Variants in NAA11 observed in about 807,000 individuals in gnomAD.
NAA11 encodes the protein N-alpha-acetyltransferase 11.
NAA11 carries 15 observed loss-of-function variants against 16.1 expected under a neutral mutation model. That is an observed-to-expected ratio of 0.93 (90% CI 0.62 to 1.44). The LOEUF (loss-of-function observed/expected upper bound fraction) is 1.44, where lower values mean the gene tolerates loss of function less well. Among genes scored for constraint, NAA11 ranks in the 40% most tolerant of loss-of-function variants. The pLI, the probability that NAA11 is intolerant of heterozygous loss-of-function variation, is 0.00. For missense variants in NAA11, 298 were observed against 291.3 expected (o/e 1.02, Z -0.17); for synonymous variants, 122 against 112.4 (o/e 1.09, Z -0.54).
intron 2 of NAA11, among the ~76,000 whole-genome samples, chr4:79,238,657 A>G (rs969275509): frequency 2.0e-5 from 3 of 152,180 alleles, no homozygotes; most frequent in African/African-American, 7.2e-5. Flanking sequence ...GGGAAGTGAG[A>G]TAGGGAAAAA....
the NAA11 span, among the ~76,000 whole-genome samples, chr4:79,212,389 G>A: frequency 2.0e-5 from 3 of 152,162 alleles, no homozygotes; most frequent in Non-Finnish European, 4.4e-5. Context: ...GAATTACGTA[G>A]CCTAGTTTGT....
the NAA11 span, among the ~76,000 whole-genome samples, chr4:79,181,321 G>C: frequency 6.6e-6 from 1 of 152,166 alleles, no homozygotes; most frequent in East Asian, 1.9e-4. Flanking sequence ...CTAGGGAGGT[G>C]CGTTCTTGCT....
chr4:79,262,245 A>C (rs964422729), intron 2 of NAA11, among the ~76,000 whole-genome samples: 1 of 152,326 alleles, frequency 6.6e-6, no homozygotes, highest in African/African-American at 2.4e-5. Flanking sequence ...AGCTAGTAAA[A>C]CATAAGAAAA....
downstream of NAA11, among the ~76,000 whole-genome samples, chr4:79,223,486 G>T (rs1237640423): frequency 8.0e-6 from 1 of 125,016 alleles, no homozygotes; most frequent in East Asian, 2.5e-4. Context: ...CACACTCTGG[G>T]GACTGTTGTG....
chr4:79,230,572 T>A (rs903468715), intron 2 of NAA11, among the ~76,000 whole-genome samples: 4 of 151,970 alleles, frequency 2.6e-5, no homozygotes, highest in Non-Finnish European at 5.9e-5. Flanking sequence ...TTATGAAAGA[T>A]AGCTAAAAAT....
chr4:79,276,755 G>A (rs565020538), intron 2 of NAA11, among the ~76,000 whole-genome samples: 2 of 152,222 alleles, frequency 1.3e-5, no homozygotes, highest in South Asian at 4.1e-4. Flanking sequence ...CATAAAGCGA[G>A]AGAAGCCCCT....
chr4:79,193,492 C>T, the NAA11 span, among the ~76,000 whole-genome samples: 1 of 152,144 alleles, frequency 6.6e-6, no homozygotes, highest in South Asian at 2.1e-4. Context: ...AATCGTTTCC[C>T]CATTTCTTGT....
intron 1 of NAA11, among the ~76,000 whole-genome samples, chr4:79,323,446 G>A (rs887678135): frequency 6.6e-6 from 1 of 152,190 alleles, no homozygotes; most frequent in Non-Finnish European, 1.5e-5. Context: ...CAGCACTTTG[G>A]GGGGCTGAGG....
intron 2 of NAA11, among the ~76,000 whole-genome samples, chr4:79,287,512 T>A (rs916412838): frequency 6.6e-6 from 1 of 152,130 alleles, no homozygotes; most frequent in African/African-American, 2.4e-5. Flanking sequence ...CAATGAGGTG[T>A]AATAAGTTTT....
intron 2 of NAA11, among the ~76,000 whole-genome samples, chr4:79,275,446 A>G (rs1444687024): frequency 6.6e-6 from 1 of 152,094 alleles, no homozygotes; most frequent in African/African-American, 2.4e-5. Flanking sequence ...TACTAGTTTA[A>G]TATCATTTTA....
At chr4:79,212,069 A>T in the NAA11 span, among the ~76,000 whole-genome samples, 2 of 152,216 alleles carry the variant, frequency 1.3e-5, no homozygotes, top group Admixed American at 6.5e-5. Flanking sequence ...GGAGCATAAG[A>T]AATTCTGTAT....
intron 2 of NAA11, among the ~76,000 whole-genome samples, chr4:79,230,280 G>T (rs926751298): frequency 2.0e-5 from 3 of 151,790 alleles, no homozygotes; most frequent in Non-Finnish European, 2.9e-5. Context: ...GTTGTGGGGT[G>T]GGGGGAGAGG....
the NAA11 span, among the ~76,000 whole-genome samples, chr4:79,174,936 T>C: frequency 2.0e-5 from 3 of 152,126 alleles, no homozygotes; most frequent in Non-Finnish European, 4.4e-5. Context: ...TGAATAATAT[T>C]ATTTCTATTG....
At chr4:79,213,447 T>G in the NAA11 span, among the ~76,000 whole-genome samples, 1 of 152,126 alleles carries the variant, frequency 6.6e-6, no homozygotes, top group Non-Finnish European at 1.5e-5. Flanking sequence ...TTGGAAAAAC[T>G]CCTTTTCCTA....
chr4:79,220,437 CTG>C, the NAA11 span, among the ~76,000 whole-genome samples: 23,102 of 142,646 alleles, frequency 0.16, 1,940 homozygotes, highest in African/African-American at 0.23. Flanking sequence ...GTGTGTGTGT[CTG>C]TGTGTGTGTG....
At chr4:79,262,318 A>G (rs1722259559) in intron 2 of NAA11, among the ~76,000 whole-genome samples, 1 of 152,186 alleles carries the variant, frequency 6.6e-6, no homozygotes, top group African/African-American at 2.4e-5. Flanking sequence ...TATGCAAAGA[A>G]TTAATGAGTT....
chr4:79,157,149 G>A, the NAA11 span, among the ~76,000 whole-genome samples: 2 of 151,684 alleles, frequency 1.3e-5, no homozygotes, highest in African/African-American at 2.4e-5. Context: ...TTGGCATTTC[G>A]TTATATGAGT....
At chr4:79,173,098 C>A in the NAA11 span, among the ~76,000 whole-genome samples, 1 of 152,014 alleles carries the variant, frequency 6.6e-6, no homozygotes, top group African/African-American at 2.4e-5. Flanking sequence ...GTGGGTAGAA[C>A]GAAAAGGAGA....
the NAA11 span, among the ~76,000 whole-genome samples, chr4:79,206,940 G>A: frequency 2.0e-5 from 3 of 151,938 alleles, no homozygotes; most frequent in East Asian, 5.8e-4. Context: ...TATATTCCTG[G>A]GTATTTTGGT....
Sources: allele counts gnomAD v4.1 joint callset (sites outside exome capture counted in the v4.1 genomes callset), GRCh38; gene constraint gnomAD v4.1.1; transcripts MANE v1.5; gene names NCBI Gene and HGNC (gene_info 2026-07-23, HGNC 2026-07-21).